PARD3B: variants seen among roughly 807,000 people sequenced by gnomAD.
PARD3B encodes the protein par-3 family cell polarity regulator beta.
A neutral mutation model predicts 130.2 loss-of-function variants in PARD3B; 103 were observed. That is an observed-to-expected ratio of 0.79 (90% confidence interval 0.67 to 0.93). The LOEUF (loss-of-function observed/expected upper bound fraction) is 0.93. Ranked by LOEUF, PARD3B falls within the 40% of genes least tolerant of loss-of-function variation. The pLI, the probability that PARD3B is intolerant of heterozygous loss-of-function variation, is 0.00. For missense variants in PARD3B, 1,609 were observed against 1,499.2 expected (o/e 1.07, Z -1.21); for synonymous variants, 583 against 553.2 (o/e 1.05, Z -0.76).
chr2:204,579,397 G>A (rs191861965), intron 1 of PARD3B, among the ~76,000 whole-genome samples: 1 of 152,150 alleles, frequency 6.6e-6, no homozygotes, highest in African/African-American at 2.4e-5. Flanking sequence ...TTCCCAGGGA[G>A]CGCGAGGAAT....
chr2:205,082,634 C>G (rs568411749), intron 4 of PARD3B, among the ~76,000 whole-genome samples: 1 of 152,012 alleles, frequency 6.6e-6, no homozygotes, highest in South Asian at 2.1e-4. Flanking sequence ...AAAAAAAAAT[C>G]AGTTTGATTT....
chr2:204,614,973 A>T (rs529041164), intron 1 of PARD3B, among the ~76,000 whole-genome samples: 44 of 152,248 alleles, frequency 2.9e-4, no homozygotes, highest in African/African-American at 1.1e-3. Context: ...CACGCAAATT[A>T]CTCACTTTTA....
intron 1 of PARD3B, among the ~76,000 whole-genome samples, chr2:204,657,840 A>G (rs1431744398): frequency 6.6e-6 from 1 of 152,344 alleles, no homozygotes; most frequent in East Asian, 1.9e-4. Flanking sequence ...CCATGGTTGC[A>G]TGCAAGTGAA....
chr2:205,054,420 ATATATATATATATATATTTTTTTT>A (rs1335692383), intron 4 of PARD3B, among the ~76,000 whole-genome samples: 2 of 18,276 alleles, frequency 1.1e-4, no homozygotes, highest in Non-Finnish European at 2.3e-4. Context: ...ATATATATAT[ATATATATATATATATATTTTTTTT>A]TTTTTTTTTT....
intron 18 of PARD3B, among the ~76,000 whole-genome samples, chr2:205,390,803 G>A (rs1051558350): frequency 9.9e-5 from 15 of 152,258 alleles, no homozygotes; most frequent in South Asian, 4.1e-4. Flanking sequence ...TGTTCGTTCC[G>A]ATCATGGAAT....
intron 3 of PARD3B, among the ~76,000 whole-genome samples, chr2:204,981,749 G>A (rs1166624427): frequency 6.6e-6 from 1 of 152,082 alleles, no homozygotes; most frequent in Non-Finnish European, 1.5e-5. Flanking sequence ...AAAAGTTTTG[G>A]GAGAACACTA....
intron 15 of PARD3B, among the ~76,000 whole-genome samples, chr2:205,199,419 A>G (rs1232689775): frequency 6.6e-6 from 1 of 152,132 alleles, no homozygotes; most frequent in Non-Finnish European, 1.5e-5. Flanking sequence ...AGAGAAGCAA[A>G]TGATTAAAAT....
chr2:204,577,313 A>G (rs1390799000), intron 1 of PARD3B, among the ~76,000 whole-genome samples: 1 of 152,242 alleles, frequency 6.6e-6, no homozygotes. Flanking sequence ...AATCTATTTA[A>G]TCCTCACAAC....
chr2:205,494,005 C>G (rs2049832800), intron 20 of PARD3B, among the ~76,000 whole-genome samples: 1 of 152,020 alleles, frequency 6.6e-6, no homozygotes, highest in African/African-American at 2.4e-5. Flanking sequence ...AGGTGATCTG[C>G]CCACCTCAGC....
At chr2:205,496,838 G>C (rs1035248047) in intron 20 of PARD3B, among the ~76,000 whole-genome samples, 1 of 147,640 alleles carries the variant, frequency 6.8e-6, no homozygotes, top group Non-Finnish European at 1.5e-5. Flanking sequence ...TATTACTGAT[G>C]ACTTCATTCT....
Position 205,575,113 on chromosome 2 carries a change from A to ACACACATG in PARD3B, c.3260+21711_3260+21712insACACATGC, listed in dbSNP as rs141496657. On this transcript the variant is annotated intron_variant, in intron 22 of 22. Coordinates refer to ENST00000406610, the MANE Select transcript of PARD3B (RefSeq NM_001302769.2). This position sits in a 1 kb window ranked among gnomAD's most constrained non-coding sequence, Gnocchi z 4.6. Reference sequence around the variant, plus strand: ...CACACACACACACACACACACACACACGCGTACACTATATATAAAAATATA... The same window carrying ACACACATG: ...CACACACACACACACACACACACACACACACATGCGCGTACACTATATATAAAAATATA... 7.9e-6 allele frequency among the ~76,000 whole-genome samples: 1 copy of ACACACATG among 126,286 alleles called. No individual in the cohort carries two copies. Among genetic ancestry groups the ACACACATG allele is most frequent in the Non-Finnish European group, 1.8e-5 (1 of 56,388 alleles). The allele number at this position is 126,286 out of a possible 152,430, so 82.8% of individuals were successfully genotyped here.
intron 18 of PARD3B, among the ~76,000 whole-genome samples, chr2:205,315,226 C>T (rs1214236126): frequency 6.6e-6 from 1 of 152,184 alleles, no homozygotes; most frequent in Non-Finnish European, 1.5e-5. Flanking sequence ...TCAAATCCAG[C>T]TCTACTTCCT....
chr2:204,843,848 G>A (rs746854816), intron 2 of PARD3B, among the ~76,000 whole-genome samples: 13 of 151,984 alleles, frequency 8.6e-5, no homozygotes, highest in Non-Finnish European at 1.8e-4. Context: ...ATTCATACAT[G>A]TTATTCAGAG....
At chr2:205,238,323 A>G (rs768143466) in intron 15 of PARD3B, among the ~76,000 whole-genome samples, 1 of 152,164 alleles carries the variant, frequency 6.6e-6, no homozygotes, top group Non-Finnish European at 1.5e-5. Flanking sequence ...ACCTTCTTCT[A>G]TAGCCAGGTG....
At chr2:205,450,915 G>T (rs1014967402) in intron 20 of PARD3B, among the ~76,000 whole-genome samples, 6 of 152,124 alleles carry the variant, frequency 3.9e-5, no homozygotes, top group African/African-American at 1.4e-4. Context: ...CGGAACTGAG[G>T]CAATATCCTA....
chr2:205,050,416 G>A (rs998420099), intron 4 of PARD3B, among the ~76,000 whole-genome samples: 2 of 151,528 alleles, frequency 1.3e-5, no homozygotes, highest in Non-Finnish European at 1.5e-5. Flanking sequence ...ATATATGTGT[G>A]TTATAACTGT....
intron 18 of PARD3B, among the ~76,000 whole-genome samples, chr2:205,380,155 A>ATAAAGAATATATATTATATAATATG (rs1574857610): frequency 9.3e-6 from 1 of 107,124 alleles, no homozygotes; most frequent in African/African-American, 3.6e-5. Flanking sequence ...TATATATTAT[A>ATAAAGAATATATATTATATAATATG]TAAAGAATAT....
At chr2:204,804,900 A>G (rs552988354) in intron 2 of PARD3B, among the ~76,000 whole-genome samples, 54 of 142,842 alleles carry the variant, frequency 3.8e-4, no homozygotes, top group Non-Finnish European at 4.0e-4. Context: ...GTCAATGAAT[A>G]AGGAAATTAA....
intron 18 of PARD3B, among the ~76,000 whole-genome samples, chr2:205,318,091 G>C (rs576437080): frequency 3.3e-5 from 5 of 152,260 alleles, no homozygotes; most frequent in African/African-American, 1.2e-4. Context: ...ACCCACCAGC[G>C]AACAGTAAAA....
Sources: allele counts gnomAD v4.1 joint callset (sites outside exome capture counted in the v4.1 genomes callset), GRCh38; gene constraint gnomAD v4.1.1; non-coding constraint Gnocchi (gnomAD v3.1); transcripts MANE v1.5; gene names NCBI Gene and HGNC (gene_info 2026-07-23, HGNC 2026-07-21).